Variants in POLR1B observed in about 807,000 individuals in gnomAD.
The protein encoded by POLR1B is DNA-directed RNA polymerase I subunit RPA2.
Under a neutral mutation model 105.8 loss-of-function variants are expected in POLR1B, and 30 were observed. The ratio of observed to expected loss-of-function variants is 0.28; its 90% confidence interval spans 0.21 to 0.38. The LOEUF (loss-of-function observed/expected upper bound fraction) is 0.38. POLR1B is among the 10% of genes least tolerant of loss of function. POLR1B has a pLI of 1.00. For synonymous variants in POLR1B, 485 were observed against 505.1 expected, an observed-to-expected ratio of 0.96 and a Z score of 0.53; for missense variants, 976 against 1,435.8, an observed-to-expected ratio of 0.68 and a Z score of 5.17.
At chr2:112,567,301 G>C (rs926163792) in intron 10 of POLR1B, among the ~76,000 whole-genome samples, 1 of 151,844 alleles carries the variant, frequency 6.6e-6, no homozygotes, top group East Asian at 1.9e-4. Flanking sequence ...TGGGTTTGTT[G>C]TTGTTGTTGT....
intron 9 of POLR1B, among the ~76,000 whole-genome samples, chr2:112,560,820 G>T (rs916103417): frequency 2.6e-5 from 4 of 152,166 alleles, no homozygotes; most frequent in African/African-American, 9.7e-5. Flanking sequence ...ACTTTGGGAA[G>T]CCGAGGTGTG....
rs1291897803 is a variant in POLR1B at position 112,577,658 on chromosome 2, T to TG, written c.*1933dup. 9.9e-5 allele frequency among the ~76,000 whole-genome samples: 15 copies of TG among 151,490 alleles called. No homozygotes were observed. The highest frequency in any genetic ancestry group is 3.9e-4 in the Admixed American group (6 of 15,196). On this transcript the variant is annotated 3_prime_UTR_variant, in exon 15 of 15. Transcript: ENST00000263331. ...GAATTCAAGTCCAATCTGGGCAACA[T>TG]GGGGAAACCCCAGCTCTACAAAAAA...
chr2:112,543,386 G>GA (rs2104498349), intron 1 of POLR1B, among the ~76,000 whole-genome samples: 1 of 151,856 alleles, frequency 6.6e-6, no homozygotes, highest in East Asian at 1.9e-4. Context: ...TGAAGATAAT[G>GA]AAAGCAGTGC....
At chr2:112,558,325 C>A (rs138209836) in intron 8 of POLR1B, among the ~76,000 whole-genome samples, 447 of 152,268 alleles carry the variant, frequency 2.9e-3, no homozygotes, top group Non-Finnish European at 4.6e-3. Flanking sequence ...CCACTTAGAC[C>A]TCTGAGGAAG....
At chr2:112,546,364 T>A (rs1683040334) in intron 1 of POLR1B, among the ~76,000 whole-genome samples, 1 of 152,108 alleles carries the variant, frequency 6.6e-6, no homozygotes, top group Admixed American at 6.6e-5. Context: ...GCTATGCACA[T>A]AGACAAGTTA....
chr2:112,558,169 C>T lies in POLR1B; in HGVS notation c.1330+88C>T, dbSNP rs1194954172. 17 of 1,067,676 alleles carry T rather than the reference C, an allele frequency of 1.6e-5. No individual in the cohort carries two copies. In the East Asian group the frequency reaches 3.9e-4, roughly 24 times the overall value. The allele number at this position is 1,067,676 out of a possible 1,614,324, so 66.1% of individuals were successfully genotyped here. A position where few individuals can be genotyped will look rare whatever the true frequency, so the allele number is the denominator to read the frequency against. ...TGTCCCTGAGAGTTCTTTTTAAAAG[C>T]AAACCCCACGAAAAAAGTAAATTTC... On this transcript the variant is annotated intron_variant, in intron 8 of 14. Transcript: ENST00000263331.
At chr2:112,564,289 T>C in intron 9 of POLR1B, 77 bp from the exon 10 acceptor site, 2 of 1,546,740 alleles carry the variant, frequency 1.3e-6, no homozygotes, top group Non-Finnish European at 1.8e-6. Flanking sequence ...ACAGCAGCTG[T>C]TGACCCCATC....
intron 7 of POLR1B, 23 bp downstream of exon 7, chr2:112,552,839 C>G (rs2104524152): frequency 6.6e-7 from 1 of 1,514,598 alleles, no homozygotes; most frequent in Admixed American, 2.2e-5. Flanking sequence ...TATGTCCACC[C>G]TTGGCCAGTG....
Position 112,542,682 on chromosome 2 carries a change from C to T in POLR1B, c.177+11C>T. The T allele has an allele frequency of 6.2e-7, 1 of 1,610,276 alleles. No individual in the cohort carries two copies. The highest frequency in any genetic ancestry group is 2.2e-5 in the East Asian group (1 of 44,766). ...GGCCTCGCGGTGCAGGTGAGCGCGG[C>T]GTCCGCCGGCGCCCTTGCCGCGGCG... On this transcript the variant is annotated intron_variant, in intron 1 of 14. Transcript: ENST00000263331.
intron 7 of POLR1B, among the ~76,000 whole-genome samples, chr2:112,553,231 G>A (rs1404144299): frequency 2.0e-5 from 3 of 152,320 alleles, no homozygotes; most frequent in African/African-American, 7.2e-5. Context: ...GGTCTCCTGA[G>A]GCAAATGTTA....
intron 7 of POLR1B, among the ~76,000 whole-genome samples, chr2:112,555,407 G>A (rs965089457): frequency 3.3e-5 from 5 of 152,194 alleles, no homozygotes; most frequent in Admixed American, 1.3e-4. Flanking sequence ...TTGGGAGGCC[G>A]GGGTGGGAGG....
Position 112,542,515 on chromosome 2 carries a change from G to T in POLR1B, c.21G>T (p.Trp7Cys), listed in dbSNP as rs1387812119. MDPGSR[W>C]RNLPSGPSLK... ...GCCACATGGATCCTGGCAGCCGGTG[G>T]CGGAACCTGCCCAGCGGGCCTAGCC... Residue 7 changes from tryptophan to cysteine, a missense_variant, in exon 1 of 15, where the codon TGG (tryptophan) becomes TGT (cysteine). Coordinates refer to ENST00000263331, the MANE Select transcript of POLR1B (RefSeq NM_019014.6). 1 of 1,613,942 alleles carries T rather than the reference G, an allele frequency of 6.2e-7. No homozygotes were observed. The highest frequency in any genetic ancestry group is 8.5e-7 in the Non-Finnish European group (1 of 1,180,042).
intron 9 of POLR1B, among the ~76,000 whole-genome samples, chr2:112,563,389 C>T (rs1684110991): frequency 6.6e-6 from 1 of 152,154 alleles, no homozygotes; most frequent in South Asian, 2.1e-4. Flanking sequence ...AAGTTTGCGA[C>T]ACCAATTGCA....
At chr2:112,558,398 G>A (rs1394825877) in intron 8 of POLR1B, among the ~76,000 whole-genome samples, 1 of 152,010 alleles carries the variant, frequency 6.6e-6, no homozygotes, top group Non-Finnish European at 1.5e-5. Flanking sequence ...CATTTGCCTT[G>A]CCTCAGAGTG....
At chr2:112,562,728 C>CTTTT (rs70965010) in intron 9 of POLR1B, among the ~76,000 whole-genome samples, 3 of 120,644 alleles carry the variant, frequency 2.5e-5, no homozygotes, top group Non-Finnish European at 3.4e-5. Context: ...TCTTTTTTTT[C>CTTTT]TTTTTTTTTT....
At chr2:112,573,945 C>T in intron 14 of POLR1B, 130 bp downstream of exon 14, 2 of 1,104,464 alleles carry the variant, frequency 1.8e-6, no homozygotes, top group Non-Finnish European at 1.3e-6. Flanking sequence ...CTCCCGGGCT[C>T]AAGCAATCCT....
chr2:112,551,777 A>G lies in POLR1B; in HGVS notation c.765A>G (p.Ala255=), dbSNP rs1218457333. The change falls in exon 6 of 15, where the codon GCA becomes GCG. Residue 255 remains alanine, a splice_region_variant and synonymous_variant. Transcript: ENST00000263331. ...FFLPLGFALK[A]LVSFSDYQIF... ...AAACCTTTTATTTTCTATTCTAGGC[A>G]CTTGTCAGCTTTTCTGATTATCAGA... 6.2e-6 allele frequency: 10 copies of G among 1,611,768 alleles called. No homozygotes were observed. Among genetic ancestry groups the G allele is most frequent in the Non-Finnish European group, 8.5e-6 (10 of 1,178,472 alleles).
chr2:112,579,490 C>G lies in POLR1B; in HGVS notation c.*3761C>G, dbSNP rs968273304. 7 of 151,962 alleles carry G rather than the reference C, an allele frequency of 4.6e-5. No homozygotes were observed. Among genetic ancestry groups the G allele is most frequent in the African/African-American group, 1.7e-4 (7 of 41,356 alleles). The allele number at this position is 151,962 out of a possible 1,614,324, so 9.4% of individuals were successfully genotyped here. A position where few individuals can be genotyped will look rare whatever the true frequency, so the allele number is the denominator to read the frequency against. On this transcript the variant is annotated 3_prime_UTR_variant, in exon 15 of 15. Coordinates refer to ENST00000263331, the MANE Select transcript of POLR1B (RefSeq NM_019014.6). ...TGGTGATGTCACTTTTTTTTTAAGG[C>G]TAGTCAAGTGAAGCAGTGGGAGTGG...
chr2:112,578,877 C>G lies in POLR1B; in HGVS notation c.*3148C>G, dbSNP rs925282515. ...GAATGTGGCCTCAAAATGTACTGTTCTCACATATTTTCAGACTGTGGGTAA... is the reference window on the plus strand; with the variant it reads ...GAATGTGGCCTCAAAATGTACTGTTGTCACATATTTTCAGACTGTGGGTAA... On this transcript the variant is annotated 3_prime_UTR_variant, in exon 15 of 15. Transcript: ENST00000263331. Among the ~76,000 whole-genome samples the G allele has an allele frequency of 2.0e-5, 3 of 152,062 alleles. No individual in the cohort carries two copies. Among genetic ancestry groups the G allele is most frequent in the Non-Finnish European group, 4.4e-5 (3 of 68,008 alleles).
Sources: gnomAD v4.1 joint callset for allele counts (sites outside exome capture counted in the v4.1 genomes callset) on GRCh38, gnomAD v4.1.1 for gene constraint, MANE v1.5 for transcripts, NCBI Gene and HGNC (gene_info 2026-07-23, HGNC 2026-07-21) for gene names.